Variants in DDX59 observed in about 807,000 individuals in gnomAD.
The protein encoded by DDX59 is probable ATP-dependent RNA helicase DDX59.
DDX59 carries 30 observed loss-of-function variants against 51.9 expected under a neutral mutation model. That is an observed-to-expected ratio of 0.58 (90% CI 0.43 to 0.78). The LOEUF is 0.78. Ranked by LOEUF, DDX59 falls within the 30% of genes least tolerant of loss-of-function variation. DDX59 has a pLI of 0.00. For missense variants in DDX59, 672 were observed against 730.8 expected (o/e 0.92, Z 0.93); for synonymous variants, 255 against 253.3 (o/e 1.01, Z -0.06).
intron 2 of DDX59, among the ~76,000 whole-genome samples, chr1:200,664,957 G>A (rs1449770122): frequency 2.6e-5 from 4 of 152,188 alleles, no homozygotes; most frequent in African/African-American, 7.2e-5. Flanking sequence ...TTACAGGCGT[G>A]AGCCACTGTG....
At chr1:200,653,702 G>A (rs574525264) in intron 4 of DDX59, among the ~76,000 whole-genome samples, 1 of 152,090 alleles carries the variant, frequency 6.6e-6, no homozygotes, top group Admixed American at 6.6e-5. Flanking sequence ...CTCACTGCTC[G>A]TGACTCTGCC....
At chr1:200,658,767 AC>A (rs1662191199) in intron 4 of DDX59, among the ~76,000 whole-genome samples, 2 of 152,192 alleles carry the variant, frequency 1.3e-5, no homozygotes, top group South Asian at 2.1e-4. Flanking sequence ...TTAAAAAAAA[AC>A]AACTTACCAT....
At chr1:200,641,383 G>T, downstream of DDX59, 1 of 237,174 alleles carries the variant, frequency 4.2e-6, no homozygotes, top group Non-Finnish European at 6.8e-6. Context: ...AAGATGTTAT[G>T]AAACCAAAAA....
At chr1:200,668,689 C>G (rs1662950036) in intron 1 of DDX59, among the ~76,000 whole-genome samples, 1 of 152,214 alleles carries the variant, frequency 6.6e-6, no homozygotes, top group African/African-American at 2.4e-5. Flanking sequence ...CTTGTTTTCC[C>G]TCCTTCCTTC....
chr1:200,648,004 A>G, intron 7 of DDX59, among the ~76,000 whole-genome samples: 1 of 119,832 alleles, frequency 8.3e-6, no homozygotes, highest in Non-Finnish European at 1.6e-5. Context: ...GCAAAAATAC[A>G]TACAGTTTTA....
At chr1:200,669,045 G>A (rs1182690619) in intron 1 of DDX59, among the ~76,000 whole-genome samples, 1 of 152,156 alleles carries the variant, frequency 6.6e-6, no homozygotes, top group Admixed American at 6.5e-5. Context: ...ACCTCCTGAG[G>A]ACTGTCACTG....
rs562456844 is a variant in DDX59, at chr1:200,666,045, C to G, written c.696G>C (p.Gln232His). The G allele has an allele frequency of 2.5e-6, 4 of 1,614,092 alleles. No homozygotes were observed. Among genetic ancestry groups the G allele is most frequent in the African/African-American group, 1.3e-5 (1 of 74,930 alleles). ...TTCCCAGAAGTCCCACAGGAATCAT[C>G]TGCATTTGAATGGGAGTTGGCACCT... ...GYEVPTPIQM[Q>H]MIPVGLLGRD... is the part of the protein sequence containing the mutation. Residue 232 changes from glutamine (Q) to histidine (H), a missense_variant, in exon 2 of 8, where the codon CAG becomes CAC. By Grantham distance (24) the Gln-to-His change is conservative. Coordinates refer to ENST00000331314, the MANE Select transcript of DDX59 (RefSeq NM_001031725.6).
intron 2 of DDX59, 110 bp from the exon 3 acceptor site, chr1:200,664,196 A>G (rs1305281176): frequency 6.6e-6 from 8 of 1,220,070 alleles, no homozygotes. Flanking sequence ...AGTGTTCCCA[A>G]CTGGGTATGA....
chr1:200,644,062 ATT>A lies in DDX59; in HGVS notation c.*190_*191del. 2 of 534,092 alleles carry A rather than the reference ATT, an allele frequency of 3.7e-6. No homozygotes were observed. The highest frequency in any genetic ancestry group is 4.9e-6 in the Non-Finnish European group (2 of 405,124). 33.1% of individuals were successfully genotyped at this position (534,092 alleles called of 1,614,324 possible). On this transcript the variant is annotated 3_prime_UTR_variant, in exon 8 of 8. Transcript: ENST00000331314. ...TCCAGAAAAGAAAACACTGTCTTTT[ATT>A]TAATAATTCATTTTCTGATGTTTTT...
At chr1:200,649,255 T>G in intron 5 of DDX59, 29 bp from the exon 6 acceptor site, 1 of 1,524,186 alleles carries the variant, frequency 6.6e-7, no homozygotes, top group Non-Finnish European at 8.8e-7. Context: ...ATATCAAAAA[T>G]TATTCATATA....
At chr1:200,645,696 A>G (rs575836029) in intron 7 of DDX59, among the ~76,000 whole-genome samples, 5 of 152,364 alleles carry the variant, frequency 3.3e-5, no homozygotes, top group East Asian at 1.9e-4. Context: ...AAAATACACA[A>G]TCATGGTCAA....
chr1:200,653,686 T>G (rs1661815637), intron 4 of DDX59, among the ~76,000 whole-genome samples: 1 of 152,126 alleles, frequency 6.6e-6, no homozygotes, highest in Non-Finnish European at 1.5e-5. Flanking sequence ...CTCCAAGCAC[T>G]CTCCCCTCAC....
intron 4 of DDX59, among the ~76,000 whole-genome samples, chr1:200,651,536 C>T (rs984983531): frequency 3.9e-5 from 6 of 152,094 alleles, no homozygotes; most frequent in Admixed American, 2.0e-4. Flanking sequence ...CTTTGATCCC[C>T]GACTTCCCAG....
At chr1:200,641,228 G>A, downstream of DDX59, 2 of 1,304,634 alleles carry the variant, frequency 1.5e-6, no homozygotes, top group Non-Finnish European at 2.0e-6. Flanking sequence ...ATTAATTCCA[G>A]AGAAGGGCAC....
At chr1:200,646,216 C>A (rs544108521) in intron 7 of DDX59, among the ~76,000 whole-genome samples, 4 of 152,186 alleles carry the variant, frequency 2.6e-5, no homozygotes, top group African/African-American at 9.6e-5. Context: ...TACTTGTAGT[C>A]CCAGCTACTC....
intron 2 of DDX59, 88 bp from the exon 3 acceptor site, chr1:200,664,174 T>C (rs1662563108): frequency 1.4e-6 from 2 of 1,442,070 alleles, no homozygotes; most frequent in Admixed American, 2.2e-5. Flanking sequence ...TCCAGGAACA[T>C]GGCCCCTTTA....
intron 3 of DDX59, among the ~76,000 whole-genome samples, chr1:200,660,235 A>G (rs1050772973): frequency 6.6e-6 from 1 of 152,108 alleles, no homozygotes; most frequent in Non-Finnish European, 1.5e-5. Context: ...TCTGTAGACT[A>G]CCTTAGTTTT....
chr1:200,664,041 C>T lies in DDX59; in HGVS notation c.850G>A (p.Ala284Thr). ...ALILTPTREL[A>T]IQIERQAKEL... Reference sequence around the variant, plus strand: ...TTAGCTTGTCTCTCTATCTGAATGGCTAACTCTCTGGTTGGTGTAAGAATG... The same window carrying T: ...TTAGCTTGTCTCTCTATCTGAATGGTTAACTCTCTGGTTGGTGTAAGAATG... Residue 284 changes from alanine to threonine, a missense_variant, in exon 3 of 8, where the codon GCC becomes ACC. By Grantham distance (58) the Ala-to-Thr change is moderately conservative (BLOSUM62 0). Transcript: ENST00000331314. 1.2e-6 allele frequency: 2 copies of T among 1,614,198 alleles called. No individual in the cohort carries two copies. The highest frequency in any genetic ancestry group is 1.7e-6 in the Non-Finnish European group (2 of 1,180,030).
chr1:200,657,353 G>A (rs879889652), intron 4 of DDX59, among the ~76,000 whole-genome samples: 1 of 152,054 alleles, frequency 6.6e-6, no homozygotes, highest in African/African-American at 2.4e-5. Context: ...CATGTTCAGG[G>A]TGACAGTATT....
Sources: allele counts gnomAD v4.1 joint callset (sites outside exome capture counted in the v4.1 genomes callset), GRCh38; gene constraint gnomAD v4.1.1; transcripts MANE v1.5; gene names NCBI Gene and HGNC (gene_info 2026-07-23, HGNC 2026-07-21).